NLGN4X: variants seen among roughly 807,000 people sequenced by gnomAD.
NLGN4X encodes neuroligin 4 X-linked.
NLGN4X carries 3 observed loss-of-function variants against 40.3 expected under a neutral mutation model. That is an observed-to-expected ratio of 0.07 (90% confidence interval 0.03 to 0.19). NLGN4X has a LOEUF of 0.19. Ranked by LOEUF, NLGN4X falls within the 10% of genes least tolerant of loss-of-function variation. NLGN4X has a pLI of 1.00. For missense variants in NLGN4X, 382 were observed against 708.3 expected (o/e 0.54, Z 5.23); for synonymous variants, 270 against 306.8 (o/e 0.88, Z 1.25).
intron 2 of NLGN4X, among the ~76,000 whole-genome samples, chrX:6,095,129 GTGTGTGTGTGTGTGT>G (rs2038739837): frequency 9.4e-6 from 1 of 106,399 alleles, no homozygotes; most frequent in African/African-American, 3.5e-5. Flanking sequence ...GTGTGTGTGT[GTGTGTGTGTGTGTGT>G]GTGTGTAATT....
rs756787024 is a variant in NLGN4X at position 5,929,279 on chromosome X, A to T, written c.626-20040T>A. On this transcript the variant is annotated intron_variant, in intron 3 of 5. Transcript: ENST00000381095. ...GGAGTTCGAGACCAGCCTGGCCAACATGGTGAAACCCCATCTCTACTAAAA... is the reference window on the plus strand; with the variant it reads ...GGAGTTCGAGACCAGCCTGGCCAACTTGGTGAAACCCCATCTCTACTAAAA... Among the ~76,000 whole-genome samples, 157 of 111,103 alleles carry T rather than the reference A, an allele frequency of 1.4e-3. 2 individuals are homozygous for T. In the East Asian group the frequency reaches 0.014, roughly 10 times the overall value.
At chrX:5,969,304 A>C (rs2034939430) in intron 3 of NLGN4X, among the ~76,000 whole-genome samples, 1 of 111,853 alleles carries the variant, frequency 8.9e-6, no homozygotes, top group African/African-American at 3.3e-5. Context: ...CAGAATCTAC[A>C]ATTAACTCCA....
At chrX:5,938,458 G>A (rs746779755) in intron 3 of NLGN4X, among the ~76,000 whole-genome samples, 2 of 110,936 alleles carry the variant, frequency 1.8e-5, no homozygotes, top group East Asian at 5.8e-4. Flanking sequence ...AAGTTCAAAG[G>A]TTTACATTAA....
intron 2 of NLGN4X, among the ~76,000 whole-genome samples, chrX:6,049,243 AGGGGAGGG>A (rs1391223415): frequency 4.4e-4 from 1 of 2,284 alleles, no homozygotes; most frequent in African/African-American, 7.5e-4. Context: ...AGGGGAGGGG[AGGGGAGGG>A]GAGGGGAGGG....
chrX:6,173,522 A>G (rs1025932890), intron 1 of NLGN4X, among the ~76,000 whole-genome samples: 9 of 111,206 alleles, frequency 8.1e-5, no homozygotes, highest in Non-Finnish European at 1.3e-4. Flanking sequence ...AAATCCTCTG[A>G]CCTGCCTTTT....
In NLGN4X at chrX:6,226,164, G is replaced by A. The variant is rs764953081; in HGVS notation, c.-306+2377C>T. Among the ~76,000 whole-genome samples the A allele has an allele frequency of 2.5e-3, 268 of 108,271 alleles. 1 individual carries two copies. Among genetic ancestry groups the A allele is most frequent in the African/African-American group, 8.7e-3 (259 of 29,810 alleles). 94.0% of individuals were successfully genotyped at this position (108,271 alleles called of 115,157 possible). Reference sequence around the variant, plus strand: ...GTTGCAAGCCCCGGCGCACCGCAGGGGCCAAAACCCCGCCGGAACCTCCTA... The same window carrying A: ...GTTGCAAGCCCCGGCGCACCGCAGGAGCCAAAACCCCGCCGGAACCTCCTA... On this transcript the variant is annotated intron_variant, in intron 1 of 5. Coordinates refer to ENST00000381095, the MANE Select transcript of NLGN4X (RefSeq NM_181332.3).
At chrX:6,101,814 C>CT (rs563023754) in intron 2 of NLGN4X, among the ~76,000 whole-genome samples, 90 of 98,680 alleles carry the variant, frequency 9.1e-4, no homozygotes, top group East Asian at 1.3e-3. Context: ...TTTAATTGTA[C>CT]TTTTTTTTTT....
intron 3 of NLGN4X, among the ~76,000 whole-genome samples, chrX:5,949,776 C>T: frequency 9.0e-6 from 1 of 111,720 alleles, no homozygotes; most frequent in Non-Finnish European, 1.9e-5. Context: ...GCTTTATATG[C>T]TGTGTTTTAT....
At chrX:6,214,405 A>G (rs887457612) in intron 1 of NLGN4X, among the ~76,000 whole-genome samples, 1 of 111,183 alleles carries the variant, frequency 9.0e-6, no homozygotes, top group Non-Finnish European at 1.9e-5. Context: ...CCAACTTCCT[A>G]TTTTGCCTTC....
intron 2 of NLGN4X, among the ~76,000 whole-genome samples, chrX:6,033,835 T>C (rs1170415966): frequency 1.8e-5 from 2 of 112,244 alleles, no homozygotes; most frequent in Non-Finnish European, 3.8e-5. Context: ...ATTAATTGGC[T>C]CCATTGCTTC....
rs1163973694 is a variant in NLGN4X, at chrX:5,900,560, C to CTTT, written c.1601+2514_1601+2516dup. 1.8e-4 allele frequency among the ~76,000 whole-genome samples: 8 copies of CTTT among 45,585 alleles called. 1 individual carries two copies. The highest frequency in any genetic ancestry group is 5.9e-4 in the African/African-American group (7 of 11,778). The allele number at this position is 45,585 out of a possible 115,157, so 39.6% of individuals were successfully genotyped here. On this transcript the variant is annotated intron_variant, in intron 5 of 5. Transcript: ENST00000381095. ...GTTATAAGACACACCGTTTTTGGTG[C>CTTT]TTTTTTTTTTTTTTTTTTTTTTTTT...
At chrX:6,094,613 A>G (rs2038715733) in intron 2 of NLGN4X, among the ~76,000 whole-genome samples, 2 of 111,289 alleles carry the variant, frequency 1.8e-5, no homozygotes, top group Admixed American at 1.9e-4. Context: ...CAAAGATGAC[A>G]GATCACCCTA....
At chrX:6,034,594 G>T (rs1183482977) in intron 2 of NLGN4X, among the ~76,000 whole-genome samples, 1 of 112,042 alleles carries the variant, frequency 8.9e-6, no homozygotes, top group Non-Finnish European at 1.9e-5. Flanking sequence ...GCAATACCTG[G>T]CATTCTCACC....
chrX:5,915,185 G>A (rs1353810504), intron 3 of NLGN4X, among the ~76,000 whole-genome samples: 1 of 112,206 alleles, frequency 8.9e-6, no homozygotes, highest in Non-Finnish European at 1.9e-5. Context: ...TATCAGTAGA[G>A]AAAATCTAAA....
chrX:6,051,570 C>CA (rs1271926372), intron 2 of NLGN4X, among the ~76,000 whole-genome samples: 1 of 110,710 alleles, frequency 9.0e-6, no homozygotes. Flanking sequence ...GGCAGCCCCC[C>CA]AGAAAGTAGG....
chrX:5,946,516 T>C (rs906941952), intron 3 of NLGN4X, among the ~76,000 whole-genome samples: 9 of 110,869 alleles, frequency 8.1e-5, no homozygotes, highest in Admixed American at 3.9e-4. Context: ...TATAGTTTAT[T>C]TAAAAATCAA....
Position 6,051,399 on chromosome X carries a change from T to C in NLGN4X, c.473-21967A>G, listed in dbSNP as rs1245434081. 2.4e-4 allele frequency among the ~76,000 whole-genome samples: 27 copies of C among 111,537 alleles called. No homozygotes were observed. In the Admixed American group the frequency reaches 2.6e-3, roughly 11 times the overall value. On this transcript the variant is annotated intron_variant, in intron 2 of 5. Transcript: ENST00000381095. ...TGCAGATGTGATCACGTAATTTCTT[T>C]GGAGATAAAATCATCACAGATTTGC...
chrX:6,164,482 C>T (rs189190516), intron 1 of NLGN4X, among the ~76,000 whole-genome samples: 2 of 112,243 alleles, frequency 1.8e-5, no homozygotes, highest in East Asian at 2.8e-4. Context: ...TGACCTGGCA[C>T]GACCCTCAAC....
chrX:6,206,107 C>G (rs188056766), intron 1 of NLGN4X, among the ~76,000 whole-genome samples: 8 of 71,386 alleles, frequency 1.1e-4, no homozygotes, highest in Admixed American at 8.2e-4. Context: ...TCTTCAGACA[C>G]CTGCAATGAA....
Sources: gnomAD v4.1 joint callset for allele counts (sites outside exome capture counted in the v4.1 genomes callset) on GRCh38, gnomAD v4.1.1 for gene constraint, MANE v1.5 for transcripts, NCBI Gene and HGNC (gene_info 2026-07-23, HGNC 2026-07-21) for gene names.